The following MEGF10 variants were observed in gnomAD, a reference collection of about 807,000 sequenced individuals.
MEGF10 encodes multiple epidermal growth factor-like domains protein 10.
Under a neutral mutation model 147.5 loss-of-function variants are expected in MEGF10, and 86 were observed. That is an observed-to-expected ratio of 0.58 (90% confidence interval 0.49 to 0.70). The LOEUF (loss-of-function observed/expected upper bound fraction) is 0.70, where lower values mean the gene tolerates loss of function less well. Ranked by LOEUF, MEGF10 falls within the 30% of genes least tolerant of loss-of-function variation. The probability of loss-of-function intolerance (pLI) is 0.00; values close to 1 mark genes in which losing one functional copy is unlikely to be tolerated. For synonymous variants in MEGF10, 478 were observed against 525.5 expected (o/e 0.91, Z 1.24); for missense variants, 1,329 against 1,487.3 (o/e 0.89, Z 1.75).
intron 19 of MEGF10, chr5:127,445,108 T>C (rs1765893296): frequency 5.4e-6 from 1 of 184,694 alleles, no homozygotes; most frequent in Non-Finnish European, 1.1e-5. Flanking sequence ...TTTCTTTATA[T>C]TTTTTTAGGG....
intron 5 of MEGF10, among the ~76,000 whole-genome samples, chr5:127,376,863 G>A (rs959914353): frequency 2.0e-5 from 3 of 152,160 alleles, no homozygotes; most frequent in African/African-American, 7.2e-5. Flanking sequence ...AGCCAAACTT[G>A]CATCTCATTC....
At chr5:127,325,787 T>C (rs1044128456) in intron 1 of MEGF10, among the ~76,000 whole-genome samples, 1 of 151,300 alleles carries the variant, frequency 6.6e-6, no homozygotes, top group Admixed American at 6.6e-5. Flanking sequence ...AGATGGGGCT[T>C]GTTTATAAAA....
chr5:127,365,215 T>TTAAACATTAAA (rs1251781443), intron 4 of MEGF10, among the ~76,000 whole-genome samples: 1 of 152,200 alleles, frequency 6.6e-6, no homozygotes, highest in East Asian at 1.9e-4. Context: ...CTGAAAACAT[T>TTAAACATTAAA]TTCCATATTA....
chr5:127,445,214 G>C (rs777045638), intron 19 of MEGF10: 1 of 500,162 alleles, frequency 2.0e-6, no homozygotes, highest in Admixed American at 3.4e-5. Context: ...CTCCGGGCAC[G>C]CATCACTGTG....
At chr5:127,300,054 G>A (rs544854846) in intron 1 of MEGF10, 1 of 152,270 alleles carries the variant, frequency 6.6e-6, no homozygotes, top group African/African-American at 2.4e-5. Flanking sequence ...GAGGCAAGTA[G>A]CTTTATTTTC....
intron 16 of MEGF10, among the ~76,000 whole-genome samples, chr5:127,437,416 TGG>T (rs1765596435): frequency 2.0e-5 from 3 of 152,096 alleles, no homozygotes; most frequent in Non-Finnish European, 2.9e-5. Flanking sequence ...CTCTTGGACA[TGG>T]TGCACACAAT....
intron 11 of MEGF10, among the ~76,000 whole-genome samples, chr5:127,419,461 C>T (rs1764902058): frequency 6.6e-6 from 1 of 152,128 alleles, no homozygotes; most frequent in Admixed American, 6.5e-5. Flanking sequence ...CTCCAAAAGT[C>T]TCTGTGTCTG....
At chr5:127,315,945 C>T (rs1317695058) in intron 1 of MEGF10, among the ~76,000 whole-genome samples, 1 of 152,176 alleles carries the variant, frequency 6.6e-6, no homozygotes, top group Admixed American at 6.5e-5. Flanking sequence ...CCGTAGCAAT[C>T]TGCTAATTAC....
chr5:127,280,937 G>A, the MEGF10 span, among the ~76,000 whole-genome samples: 1 of 152,142 alleles, frequency 6.6e-6, no homozygotes, highest in African/African-American at 2.4e-5. Flanking sequence ...TCTGAGGCTC[G>A]GCCAATCAGA....
chr5:127,354,827 TTG>T (rs1447042067), intron 4 of MEGF10, among the ~76,000 whole-genome samples: 4 of 152,158 alleles, frequency 2.6e-5, no homozygotes, highest in Non-Finnish European at 5.9e-5. Context: ...GTCAACAGTT[TTG>T]TGTTGGGGAT....
intron 22 of MEGF10, among the ~76,000 whole-genome samples, chr5:127,453,643 T>C (rs1766240493): frequency 6.6e-6 from 1 of 152,214 alleles, no homozygotes; most frequent in Non-Finnish European, 1.5e-5. Context: ...AGTTATAACA[T>C]GTAATTCCTT....
At chr5:127,385,751 C>G (rs2126894255) in intron 5 of MEGF10, among the ~76,000 whole-genome samples, 1 of 152,214 alleles carries the variant, frequency 6.6e-6, no homozygotes, top group South Asian at 2.1e-4. Context: ...TTCTTGACCC[C>G]TATGTAATTC....
At chr5:127,391,861 A>G (rs1163633877) in intron 5 of MEGF10, among the ~76,000 whole-genome samples, 2 of 152,152 alleles carry the variant, frequency 1.3e-5, no homozygotes, top group Non-Finnish European at 2.9e-5. Context: ...AGGCAAGCAA[A>G]TATAAAGATT....
At chr5:127,352,709 T>C (rs908868974) in intron 4 of MEGF10, among the ~76,000 whole-genome samples, 2 of 152,210 alleles carry the variant, frequency 1.3e-5, no homozygotes. Flanking sequence ...CATTTGTATT[T>C]TGGCTTTAGG....
chr5:127,348,151 C>A lies in MEGF10; in HGVS notation c.319+7521C>A, dbSNP rs188646702. Among the ~76,000 whole-genome samples the A allele has an allele frequency of 3.9e-4, 60 of 152,120 alleles. No individual in the cohort carries two copies. The East Asian group carries it at 0.011, about 28-fold the overall frequency. On this transcript the variant is annotated intron_variant, in intron 4 of 24. Coordinates refer to ENST00000503335, the MANE Select transcript of MEGF10 (RefSeq NM_001256545.2). ...TAATTCTCATGGCAATTCTTTATCA[C>A]GAATATCAAACTGACTTGCTAAACT...
chr5:127,292,977 A>G (rs1421371962), intron 1 of MEGF10, among the ~76,000 whole-genome samples: 1 of 152,222 alleles, frequency 6.6e-6, no homozygotes, highest in Non-Finnish European at 1.5e-5. Context: ...CAATTTCCAT[A>G]CCTGTTAAAA....
intron 5 of MEGF10, among the ~76,000 whole-genome samples, chr5:127,379,285 G>A (rs1237680216): frequency 3.3e-5 from 5 of 152,026 alleles, no homozygotes; most frequent in African/African-American, 1.2e-4. Context: ...TCTATGACCA[G>A]AGTGAGACTA....
intron 1 of MEGF10, among the ~76,000 whole-genome samples, chr5:127,296,793 A>G (rs1420224141): frequency 1.3e-5 from 2 of 152,224 alleles, no homozygotes; most frequent in Non-Finnish European, 2.9e-5. Context: ...GCTTGGTGGC[A>G]CAGAAGACTA....
intron 4 of MEGF10, among the ~76,000 whole-genome samples, chr5:127,343,202 A>T (rs933157494): frequency 2.0e-5 from 3 of 152,212 alleles, no homozygotes; most frequent in African/African-American, 7.2e-5. Context: ...TCACCAAGAT[A>T]AATTAAACAC....
Sources: gnomAD v4.1 joint callset for allele counts (sites outside exome capture counted in the v4.1 genomes callset) on GRCh38, gnomAD v4.1.1 for gene constraint, MANE v1.5 for transcripts, NCBI Gene and HGNC (gene_info 2026-07-23, HGNC 2026-07-21) for gene names.